Variants in BNC1 observed in about 807,000 individuals in gnomAD.
BNC1 encodes the protein basonuclin zinc finger protein 1.
BNC1 carries 8 observed loss-of-function variants against 66.5 expected under a neutral mutation model. That is an observed-to-expected ratio of 0.12 (90% CI 0.07 to 0.22). The LOEUF is 0.22. Ranked by LOEUF, BNC1 falls within the 10% of genes least tolerant of loss-of-function variation. BNC1 has a pLI of 1.00. For missense variants in BNC1, 1,069 were observed against 1,241.3 expected (o/e 0.86, Z 2.09); for synonymous variants, 454 against 452.6 (o/e 1.00, Z -0.04).
At chr15:83,273,434 C>A (rs1407386321) in intron 1 of BNC1, among the ~76,000 whole-genome samples, 1 of 152,158 alleles carries the variant, frequency 6.6e-6, no homozygotes, top group Non-Finnish European at 1.5e-5. Context: ...CTTTGGAATC[C>A]ATTCTTGTTC....
chr15:83,260,831 G>C (rs1289816549), intron 4 of BNC1, among the ~76,000 whole-genome samples: 1 of 152,222 alleles, frequency 6.6e-6, no homozygotes, highest in Non-Finnish European at 1.5e-5. Flanking sequence ...CTCTGACTGA[G>C]AGAAATGGTG....
rs2038069161 is a variant in BNC1 at position 83,255,968 on chromosome 15, GA to G, written c.*1473del. ...TATACAAATCTTTTCACTTTGGGAA[GA>G]CTGGAATATTAAACAGCTGGGTAAC... On this transcript the variant is annotated 3_prime_UTR_variant, in exon 5 of 5. Transcript: ENST00000345382. The G allele has an allele frequency of 6.6e-6, 1 of 152,584 alleles. No homozygotes were observed. Among genetic ancestry groups the G allele is most frequent in the Admixed American group, 6.5e-5 (1 of 15,268 alleles). 9.5% of individuals were successfully genotyped at this position (152,584 alleles called of 1,614,324 possible).
chr15:83,272,295 A>G (rs2038276836), intron 1 of BNC1, among the ~76,000 whole-genome samples: 1 of 151,930 alleles, frequency 6.6e-6, no homozygotes, highest in South Asian at 2.1e-4. Context: ...CAGTGGCACA[A>G]TCTCGGCTCA....
chr15:83,273,496 A>G (rs1282950150), intron 1 of BNC1, among the ~76,000 whole-genome samples: 1 of 152,230 alleles, frequency 6.6e-6, no homozygotes, highest in African/African-American at 2.4e-5. Context: ...ACTCATCAAG[A>G]CACAATCATT....
At chr15:83,282,380 C>T (rs940842080) in intron 1 of BNC1, among the ~76,000 whole-genome samples, 2 of 152,184 alleles carry the variant, frequency 1.3e-5, no homozygotes, top group East Asian at 1.9e-4. Context: ...TGAAAGTATG[C>T]CAAAAAGAAT....
chr15:83,270,352 A>C (rs1209507405), intron 1 of BNC1, among the ~76,000 whole-genome samples: 1 of 152,246 alleles, frequency 6.6e-6, no homozygotes, highest in African/African-American at 2.4e-5. Context: ...TCTTGGGTAT[A>C]GTCCTAGAAC....
At position 83,264,423 on chromosome 15, in the gene BNC1, G is replaced by T. The variant is rs767144100; in HGVS notation, c.828C>A (p.Pro276=). ...GGAAGGGCCCATGGACTTCCTGTTT[G>T]GGGTCCTGACTTTGGTCATGACCCT... ...LEQGHDQSQD[P]KQEVHGPFPD... Residue 276 remains proline, a synonymous_variant, in exon 4 of 5, where the codon CCC becomes CCA. Coordinates refer to ENST00000345382, the MANE Select transcript of BNC1 (RefSeq NM_001717.4). 2.5e-6 allele frequency: 4 copies of T among 1,614,188 alleles called. No homozygotes were observed. In the East Asian group the frequency reaches 8.9e-5, roughly 36 times the overall value.
Position 83,283,187 on chromosome 15 carries a change from GAGA to G in BNC1, c.99+1340_99+1342del, listed in dbSNP as rs1054428773. ...GCAGCCACAAAGAGATGCCTTAAAT[GAGA>G]AGAACATGTTTCTACACCGCATTTG... On this transcript the variant is annotated intron_variant, in intron 1 of 4. Coordinates refer to ENST00000345382, the MANE Select transcript of BNC1 (RefSeq NM_001717.4). 34 of 1,535,708 alleles carry G rather than the reference GAGA, an allele frequency of 2.2e-5. No individual in the cohort carries two copies. The Admixed American group carries it at 4.9e-4, about 22-fold the overall frequency.
At chr15:83,276,706 G>C (rs951720532) in intron 1 of BNC1, among the ~76,000 whole-genome samples, 9 of 152,216 alleles carry the variant, frequency 5.9e-5, no homozygotes, top group African/African-American at 2.2e-4. Context: ...CCTGATGGCA[G>C]GAGCTCAGAT....
At chr15:83,276,633 T>C (rs1426958680) in intron 1 of BNC1, among the ~76,000 whole-genome samples, 1 of 152,192 alleles carries the variant, frequency 6.6e-6, no homozygotes, top group Non-Finnish European at 1.5e-5. Context: ...TCCTCATAAA[T>C]AGCAGATGAC....
chr15:83,256,741 A>G lies in BNC1; in HGVS notation c.*701T>C, dbSNP rs1474180807. On this transcript the variant is annotated 3_prime_UTR_variant, in exon 5 of 5. Transcript: ENST00000345382. ...TAAGCACAAATTAAATATTGTCAAA[A>G]TATTTTTAAATTAAATTGAAGACCA... 6.6e-6 allele frequency: 1 copy of G among 152,252 alleles called. No individual in the cohort carries two copies. The highest frequency in any genetic ancestry group is 1.5e-5 in the Non-Finnish European group (1 of 68,056). The allele number at this position is 152,252 out of a possible 1,614,324, so 9.4% of individuals were successfully genotyped here. A position where few individuals can be genotyped will look rare whatever the true frequency, so the allele number is the denominator to read the frequency against.
Position 83,257,788 on chromosome 15 carries a change from C to T in BNC1, c.2639G>A (p.Ser880Asn), listed in dbSNP as rs755241233. 1.2e-6 allele frequency: 2 copies of T among 1,614,174 alleles called. No homozygotes were observed. Among genetic ancestry groups the T allele is most frequent in the East Asian group, 2.2e-5 (1 of 44,876 alleles). The change falls in exon 5 of 5, where the codon AGT (serine) becomes AAT (asparagine). Residue 880 changes from serine (S) to asparagine (N), a missense_variant. Coordinates refer to ENST00000345382, the MANE Select transcript of BNC1 (RefSeq NM_001717.4). Reference sequence around the variant, plus strand: ...CTCCATAAGCACAGTGCCTTCCTCACTCACCCCGTCAGAGTCCCAGGAAGA... The same window carrying T: ...CTCCATAAGCACAGTGCCTTCCTCATTCACCCCGTCAGAGTCCCAGGAAGA... ...SHSSWDSDGV[S>N]EEGTVLMEDS... is the part of the protein sequence containing the mutation.
At chr15:83,273,789 T>G (rs962626039) in intron 1 of BNC1, among the ~76,000 whole-genome samples, 3 of 152,184 alleles carry the variant, frequency 2.0e-5, no homozygotes, top group African/African-American at 7.2e-5. Context: ...CACAGGCCTC[T>G]TGTCAGGAGA....
intron 1 of BNC1, among the ~76,000 whole-genome samples, chr15:83,272,679 G>A (rs956954953): frequency 3.3e-5 from 5 of 152,130 alleles, no homozygotes; most frequent in African/African-American, 9.7e-5. Flanking sequence ...AAAGGCTCAC[G>A]CAACCCAGGA....
chr15:83,276,380 G>A (rs987683374), intron 1 of BNC1, among the ~76,000 whole-genome samples: 2 of 152,142 alleles, frequency 1.3e-5, no homozygotes, highest in African/African-American at 4.8e-5. Context: ...CTTAGCACTG[G>A]GCCTGATACT....
intron 1 of BNC1, among the ~76,000 whole-genome samples, chr15:83,273,791 G>A (rs1952593810): frequency 6.6e-6 from 1 of 152,152 alleles, no homozygotes; most frequent in Admixed American, 6.5e-5. Flanking sequence ...CAGGCCTCTT[G>A]TCAGGAGATG....
At chr15:83,270,058 C>G (rs1424492578) in intron 1 of BNC1, among the ~76,000 whole-genome samples, 1 of 152,128 alleles carries the variant, frequency 6.6e-6, no homozygotes, top group Non-Finnish European at 1.5e-5. Context: ...TTAGTAGTTA[C>G]CTGGGGCTGT....
At chr15:83,258,669 A>C (rs1052751015) in intron 4 of BNC1, among the ~76,000 whole-genome samples, 1 of 152,210 alleles carries the variant, frequency 6.6e-6, no homozygotes, top group Admixed American at 6.5e-5. Flanking sequence ...ACTGGTCACA[A>C]ACTATAAGGA....
chr15:83,258,232 G>A (rs186683195), intron 4 of BNC1, 106 bp from the exon 5 acceptor site: 14 of 1,173,192 alleles, frequency 1.2e-5, no homozygotes, highest in Non-Finnish European at 1.5e-5. Context: ...TGTGGTATGG[G>A]AGCACCGATG....
Sources: gnomAD v4.1 joint callset for allele counts (sites outside exome capture counted in the v4.1 genomes callset) on GRCh38, gnomAD v4.1.1 for gene constraint, MANE v1.5 for transcripts, NCBI Gene and HGNC (gene_info 2026-07-23, HGNC 2026-07-21) for gene names.